Variants in KIF5C observed in about 807,000 individuals in gnomAD.
KIF5C encodes the protein kinesin family member 5C.
A neutral mutation model predicts 125.2 loss-of-function variants in KIF5C; 18 were observed. The ratio of observed to expected loss-of-function variants is 0.14; its 90% CI spans 0.10 to 0.21. The LOEUF is 0.21. KIF5C is among the 10% of genes least tolerant of loss of function. The probability of loss-of-function intolerance (pLI) is 1.00; values close to 1 mark genes in which losing one functional copy is unlikely to be tolerated. For synonymous variants in KIF5C, 405 were observed against 434.0 expected (o/e 0.93, Z 0.83); for missense variants, 780 against 1,183.8 (o/e 0.66, Z 5.01).
rs1270320324 is a variant in KIF5C, at chr2:148,983,660, A to T, written c.1610A>T (p.Gln537Leu). 6 of 1,608,458 alleles carry T rather than the reference A, an allele frequency of 3.7e-6. No individual in the cohort carries two copies. The highest frequency in any genetic ancestry group is 5.1e-6 in the Non-Finnish European group (6 of 1,176,256). ...TTTQRELSQL[Q>L]ELSNHQKKRA... ...ACACAGAGAGAGCTGAGCCAGCTAC[A>T]AGAGCTTAGCAACCACCAGAAGAAA... The change falls in exon 15 of 26, where the codon CAA (glutamine) becomes CTA (leucine). Residue 537 changes from glutamine to leucine, a missense_variant. Around this residue, in one of 2 missense-constraint regions of KIF5C, gnomAD observed 573 missense variants for 742.6 expected, o/e 0.77. Coordinates refer to ENST00000435030, the MANE Select transcript of KIF5C (RefSeq NM_004522.3).
At chr2:148,990,171 C>T (rs1398158311) in intron 15 of KIF5C, among the ~76,000 whole-genome samples, 2 of 152,188 alleles carry the variant, frequency 1.3e-5, no homozygotes, top group African/African-American at 2.4e-5. Flanking sequence ...TGCATTTCAG[C>T]GGATGGGTTT....
intron 1 of KIF5C, among the ~76,000 whole-genome samples, chr2:148,899,929 C>A (rs1680829925): frequency 6.6e-6 from 1 of 152,106 alleles, no homozygotes; most frequent in Non-Finnish European, 1.5e-5. Context: ...AGAATGATTT[C>A]AGATCTCATG....
At chr2:148,898,589 T>G (rs1680756928) in intron 1 of KIF5C, among the ~76,000 whole-genome samples, 1 of 152,196 alleles carries the variant, frequency 6.6e-6, no homozygotes, top group Non-Finnish European at 1.5e-5. Context: ...CTCATGAGAC[T>G]TGACGGGCCA....
chr2:148,889,520 G>A (rs1448860076), intron 1 of KIF5C, among the ~76,000 whole-genome samples: 1 of 152,112 alleles, frequency 6.6e-6, no homozygotes, highest in Non-Finnish European at 1.5e-5. Flanking sequence ...ATGGTGATTT[G>A]CACTTGGGAC....
In KIF5C at chr2:149,014,127, C is replaced by T. The variant is rs1426191681; in HGVS notation, c.*7+2444C>T. ...GCATCCTCTGCCTCCTGGGTTCAAA[C>T]GATTCTCCTGCCTCAGCCTCCCGAG... is the stretch of plus-strand genomic sequence containing the variant. On this transcript the variant is annotated intron_variant, in intron 25 of 25. Transcript: ENST00000435030. Among the ~76,000 whole-genome samples, 17 of 152,116 alleles carry T rather than the reference C, an allele frequency of 1.1e-4. No individual in the cohort carries two copies. The East Asian group carries it at 1.9e-3, about 17-fold the overall frequency.
intron 7 of KIF5C, 44 bp from the exon 8 acceptor site, chr2:148,946,855 A>G (rs1172082466): frequency 1.9e-6 from 3 of 1,601,208 alleles, no homozygotes; most frequent in Non-Finnish European, 2.5e-6. Flanking sequence ...TGCTACCTAA[A>G]CCTACATGTT....
At chr2:148,959,645 G>A (rs1032558550) in intron 10 of KIF5C, among the ~76,000 whole-genome samples, 1 of 152,122 alleles carries the variant, frequency 6.6e-6, no homozygotes, top group African/African-American at 2.4e-5. Context: ...GTTGGGTTGC[G>A]CATCTTTAGC....
At chr2:148,909,311 C>G (rs1473264723) in intron 1 of KIF5C, among the ~76,000 whole-genome samples, 2 of 152,230 alleles carry the variant, frequency 1.3e-5, no homozygotes, top group East Asian at 3.8e-4. Context: ...CGCTGCTCTT[C>G]CCGCTGCTGG....
At chr2:148,901,523 A>G (rs1166535489) in intron 1 of KIF5C, among the ~76,000 whole-genome samples, 1 of 152,230 alleles carries the variant, frequency 6.6e-6, no homozygotes, top group Non-Finnish European at 1.5e-5. Flanking sequence ...CTATATGAAC[A>G]TATTTCTCAT....
At chr2:148,954,587 C>T (rs550832505) in intron 10 of KIF5C, among the ~76,000 whole-genome samples, 4 of 152,294 alleles carry the variant, frequency 2.6e-5, no homozygotes, top group Non-Finnish European at 4.4e-5. Flanking sequence ...ATCGGCACAT[C>T]TTTGGCACTG....
intron 12 of KIF5C, 44 bp from the exon 13 acceptor site, chr2:148,978,878 A>C: frequency 6.5e-7 from 1 of 1,547,854 alleles, no homozygotes; most frequent in Non-Finnish European, 8.7e-7. Flanking sequence ...GATATCAAAA[A>C]TGACATAACT....
intron 1 of KIF5C, chr2:148,879,023 C>T (rs1273982758): frequency 1.3e-5 from 2 of 152,136 alleles, no homozygotes; most frequent in Non-Finnish European, 2.9e-5. Flanking sequence ...TGAAAATGTC[C>T]TGTTTGGGAG....
chr2:148,920,432 A>G (rs73007602), intron 1 of KIF5C, among the ~76,000 whole-genome samples: 1,876 of 152,364 alleles, frequency 0.012, 43 homozygotes, highest in African/African-American at 0.043. Flanking sequence ...GGTGAGGAAT[A>G]GTCTATTGGT....
At chr2:148,921,075 G>C (rs1198840478) in intron 1 of KIF5C, among the ~76,000 whole-genome samples, 2 of 152,190 alleles carry the variant, frequency 1.3e-5, no homozygotes, top group Non-Finnish European at 2.9e-5. Context: ...TAGGGAAGGG[G>C]CTGTGTCTGT....
chr2:148,883,294 G>A (rs1435898193), intron 1 of KIF5C, among the ~76,000 whole-genome samples: 5 of 152,140 alleles, frequency 3.3e-5, no homozygotes, highest in Non-Finnish European at 5.9e-5. Flanking sequence ...GAGGTCAGGA[G>A]ATCGAGACCA....
intron 12 of KIF5C, among the ~76,000 whole-genome samples, chr2:148,978,315 G>A (rs1296981930): frequency 1.5e-5 from 2 of 132,420 alleles, no homozygotes; most frequent in Non-Finnish European, 3.1e-5. Flanking sequence ...GAATGCTTCT[G>A]TCCCTCAGCT....
chr2:148,900,233 C>T (rs925129122), intron 1 of KIF5C, among the ~76,000 whole-genome samples: 1 of 152,140 alleles, frequency 6.6e-6, no homozygotes, highest in Non-Finnish European at 1.5e-5. Context: ...GATGGTTTTC[C>T]TGATAATTTA....
chr2:148,933,846 CAG>C (rs1682229542), intron 3 of KIF5C, among the ~76,000 whole-genome samples: 3 of 151,516 alleles, frequency 2.0e-5, no homozygotes, highest in Admixed American at 2.0e-4. Context: ...TGTACACACA[CAG>C]ACACACCACA....
chr2:149,001,112 A>G (rs1681840466), intron 21 of KIF5C, among the ~76,000 whole-genome samples: 1 of 152,252 alleles, frequency 6.6e-6, no homozygotes, highest in African/African-American at 2.4e-5. Flanking sequence ...AACGGCTGGC[A>G]TTCTTCAAGG....
Sources: allele counts gnomAD v4.1 joint callset (sites outside exome capture counted in the v4.1 genomes callset), GRCh38; gene constraint gnomAD v4.1.1; regional missense constraint gnomAD v4.1.1; transcripts MANE v1.5; gene names NCBI Gene and HGNC (gene_info 2026-07-23, HGNC 2026-07-21).